GCN1: variants seen among roughly 807,000 people sequenced by gnomAD.
GCN1 encodes the protein GCN1 activator of EIF2AK4.
Under a neutral mutation model 288.4 loss-of-function variants are expected in GCN1, and 90 were observed. The ratio of observed to expected loss-of-function variants is 0.31; its 90% CI spans 0.26 to 0.37. GCN1 has a LOEUF of 0.37. Ranked by LOEUF, GCN1 falls within the 10% of genes least tolerant of loss-of-function variation. GCN1 has a pLI of 1.00. For missense variants in GCN1, 2,586 were observed against 3,419.9 expected, an observed-to-expected ratio of 0.76 and a Z score of 6.08; for synonymous variants, 1,386 against 1,420.2, an observed-to-expected ratio of 0.98 and a Z score of 0.54.
At chr12:120,154,629 C>T (rs1007676475) in intron 31 of GCN1, among the ~76,000 whole-genome samples, 1 of 152,236 alleles carries the variant, frequency 6.6e-6, no homozygotes, top group East Asian at 1.9e-4. Context: ...AGGAGAAACA[C>T]GCTCACGGTC....
At chr12:120,167,451 C>T (rs1878170847) in intron 16 of GCN1, among the ~76,000 whole-genome samples, 1 of 151,442 alleles carries the variant, frequency 6.6e-6, no homozygotes, top group African/African-American at 2.4e-5. Flanking sequence ...AGGCACACTA[C>T]CATTTGTGTA....
At chr12:120,162,082 T>A in intron 20 of GCN1, 24 bp from the exon 21 acceptor site, 3 of 1,606,914 alleles carry the variant, frequency 1.9e-6, no homozygotes, top group Non-Finnish European at 2.5e-6. Flanking sequence ...GCAGACATGG[T>A]CAGTGTGTGC....
intron 53 of GCN1, among the ~76,000 whole-genome samples, chr12:120,133,371 C>T (rs757836735): frequency 6.6e-6 from 1 of 152,194 alleles, no homozygotes; most frequent in Non-Finnish European, 1.5e-5. Flanking sequence ...CCACAGTGCT[C>T]GCAGCCAAAT....
chr12:120,174,627 A>G (rs1878419437), intron 12 of GCN1, among the ~76,000 whole-genome samples: 1 of 151,564 alleles, frequency 6.6e-6, no homozygotes, highest in South Asian at 2.1e-4. Flanking sequence ...TGTCTCTACT[A>G]AAAATACAAA....
At chr12:120,170,401 G>T in intron 14 of GCN1, 80 bp from the exon 15 acceptor site, 1 of 1,277,566 alleles carries the variant, frequency 7.8e-7, no homozygotes, top group Non-Finnish European at 1.1e-6. Context: ...TATCTAACCA[G>T]CTGTGAACCA....
chr12:120,163,838 AG>A (rs1275556626), intron 18 of GCN1, among the ~76,000 whole-genome samples: 1 of 152,230 alleles, frequency 6.6e-6, no homozygotes, highest in East Asian at 1.9e-4. Context: ...TCAAGGATAA[AG>A]GGGGAGGGCA....
Position 120,151,136 on chromosome 12 carries a change from G to T in GCN1, c.4309+9C>A. On this transcript the variant is annotated intron_variant, in intron 34 of 57. Coordinates refer to ENST00000300648, the MANE Select transcript of GCN1 (RefSeq NM_006836.2). ...CATGCTGGGCAGCCCCAAGCTCAGA[G>T]ATGCTCACCCTCTCGCCGGCGGAAG... 1 of 1,611,734 alleles carries T rather than the reference G, an allele frequency of 6.2e-7. No individual in the cohort carries two copies. Among genetic ancestry groups the T allele is most frequent in the Non-Finnish European group, 8.5e-7 (1 of 1,179,524 alleles).
rs778415857 is a variant in GCN1, at chr12:120,144,108, C to T, written c.5495+198G>A. Among the ~76,000 whole-genome samples the T allele has an allele frequency of 3.3e-5, 5 of 152,218 alleles. No individual in the cohort carries two copies. The highest frequency in any genetic ancestry group is 7.2e-5 in the African/African-American group (3 of 41,464). ...CCTTCCGCCTCAGCCTCCTGTGTAG[C>T]TGGGATTACAGGTGTGCACCACCAT... On this transcript the variant is annotated intron_variant, in intron 42 of 57. Transcript: ENST00000300648. This position sits in a 1 kb window ranked among gnomAD's most constrained non-coding sequence, Gnocchi z 4.7.
chr12:120,177,014 C>G (rs1038352748), intron 9 of GCN1, among the ~76,000 whole-genome samples: 3 of 152,202 alleles, frequency 2.0e-5, no homozygotes, highest in African/African-American at 2.4e-5. Flanking sequence ...GATCTACCTG[C>G]CTCAGCCTCC....
chr12:120,138,372 T>C lies in GCN1; in HGVS notation c.6200A>G (p.Gln2067Arg), dbSNP rs1047580471. The change falls in exon 47 of 58, where the codon CAA (glutamine) becomes CGA (arginine). Residue 2067 changes from glutamine to arginine, a missense_variant. This residue lies in a region of GCN1 where 437 missense variants were observed against 570.5 expected (regional missense o/e 0.77). Transcript: ENST00000300648. ...CACACGACTCTTAATAGCCATGACTTGCTTCAGACCATCCAAGGCAAACTC... is the reference window on the plus strand; with the variant it reads ...CACACGACTCTTAATAGCCATGACTCGCTTCAGACCATCCAAGGCAAACTC... ...VSEFALDGLK[Q>R]VMAIKSRVVL... 1.2e-6 allele frequency: 2 copies of C among 1,612,692 alleles called. No homozygotes were observed. The highest frequency in any genetic ancestry group is 1.7e-6 in the Non-Finnish European group (2 of 1,178,656).
rs1007922513 is a variant in GCN1, at chr12:120,162,842, G to C, written c.2163+5C>G. The stretch of plus-strand genomic sequence containing the variant: ...TGAGGCCAGACCAGCTCATGTGCCC[G>C]TCACCTGGTTTAGGGGACTCTGTGT... On this transcript the variant is annotated splice_donor_5th_base_variant and intron_variant, in intron 20 of 57. Transcript: ENST00000300648. 6.2e-7 allele frequency: 1 copy of C among 1,613,472 alleles called. No individual in the cohort carries two copies. Among genetic ancestry groups the C allele is most frequent in the Non-Finnish European group, 8.5e-7 (1 of 1,179,820 alleles).
At chr12:120,157,467 C>T (rs755666113) in intron 26 of GCN1, among the ~76,000 whole-genome samples, 4 of 152,038 alleles carry the variant, frequency 2.6e-5, no homozygotes, top group Non-Finnish European at 2.9e-5. Context: ...AAGTAAGGGG[C>T]ATATACATAC....
chr12:120,130,664 A>G lies in GCN1; in HGVS notation c.7653T>C (p.Leu2551=), dbSNP rs369470290. The G allele has an allele frequency of 3.7e-4, 591 of 1,613,156 alleles. 1 individual carries two copies. The highest frequency in any genetic ancestry group is 4.6e-4 in the Non-Finnish European group (546 of 1,179,278). Residue 2551 remains leucine (L), a synonymous_variant, in exon 56 of 58, where the codon CTT becomes CTC. Coordinates refer to ENST00000300648, the MANE Select transcript of GCN1 (RefSeq NM_006836.2). The stretch of plus-strand genomic sequence containing the variant: ...CACTCACCTTAACGAACAGGCTGGA[A>G]AGTTTGGCCGGCAACTGCCCTCCGC... The part of the protein sequence containing the change: ...ETGGGQLPAK[L]SSLFVKCLQN...
rs576665805 is a variant in GCN1, at chr12:120,130,673, C to T, written c.7644G>A (p.Pro2548=). ...HHIETGGGQL[P]AKLSSLFVKC... is the part of the protein sequence containing the mutation. ...TAACGAACAGGCTGGAAAGTTTGGCCGGCAACTGCCCTCCGCCTGTCTCGA... is the reference window on the plus strand; with the variant it reads ...TAACGAACAGGCTGGAAAGTTTGGCTGGCAACTGCCCTCCGCCTGTCTCGA... The change falls in exon 56 of 58, where the codon CCG becomes CCA. Residue 2548 remains proline, a synonymous_variant. Transcript: ENST00000300648. 2.6e-4 allele frequency: 415 copies of T among 1,613,724 alleles called. 4 individuals are homozygous for T. The South Asian group carries it at 4.0e-3, about 16-fold the overall frequency.
chr12:120,181,588 C>T (rs1878663593), intron 5 of GCN1, among the ~76,000 whole-genome samples: 1 of 151,424 alleles, frequency 6.6e-6, no homozygotes, highest in African/African-American at 2.4e-5. Flanking sequence ...GCCTGTAATC[C>T]CAGCACTTTG....
intron 2 of GCN1, among the ~76,000 whole-genome samples, chr12:120,188,536 C>G (rs1008711819): frequency 1.3e-5 from 2 of 151,236 alleles, no homozygotes; most frequent in East Asian, 3.9e-4. Context: ...CCACGGAACA[C>G]AGATTGGGAA....
chr12:120,157,799 C>A (rs759813424), intron 26 of GCN1, 50 bp downstream of exon 26: 25 of 1,472,752 alleles, frequency 1.7e-5, no homozygotes, highest in Admixed American at 3.6e-5. Context: ...ACAGGCCCTG[C>A]CTCCCTGATC....
chr12:120,138,542 G>C, intron 46 of GCN1, 127 bp from the exon 47 acceptor site: 3 of 1,026,766 alleles, frequency 2.9e-6, no homozygotes, highest in Non-Finnish European at 4.6e-6. Flanking sequence ...ACTGCCGAAG[G>C]CGAAGCACAA....
rs754790896 is a variant in GCN1 at position 120,160,250 on chromosome 12, T to A, written c.2442A>T (p.Ile814=). ...QIIELELKEE[I]KKKKGIKEEV... Reference sequence around the variant, plus strand: ...CCTCTTTGATGCCTTTCTTCTTCTTTATCTCCTAAAGAGGATGGGCAAACC... The same window carrying A: ...CCTCTTTGATGCCTTTCTTCTTCTTAATCTCCTAAAGAGGATGGGCAAACC... Residue 814 remains isoleucine, a synonymous_variant, in exon 23 of 58, where the codon ATA becomes ATT. Transcript: ENST00000300648. 1 of 1,609,950 alleles carries A rather than the reference T, an allele frequency of 6.2e-7. No homozygotes were observed. The highest frequency in any genetic ancestry group is 1.1e-5 in the South Asian group (1 of 91,044).
Sources: allele counts gnomAD v4.1 joint callset (sites outside exome capture counted in the v4.1 genomes callset), GRCh38; gene constraint gnomAD v4.1.1; regional missense constraint gnomAD v4.1.1; non-coding constraint Gnocchi (gnomAD v3.1); transcripts MANE v1.5; gene names NCBI Gene and HGNC (gene_info 2026-07-23, HGNC 2026-07-21).